MYRIP: variants seen among roughly 807,000 people sequenced by gnomAD.
MYRIP encodes the protein rab effector MyRIP.
Under a neutral mutation model 98.0 loss-of-function variants are expected in MYRIP, and 49 were observed. The observed-to-expected ratio is 0.50, with a 90% CI of 0.40 to 0.63. MYRIP has a LOEUF of 0.63. Among genes scored for constraint, MYRIP ranks in the 30% least tolerant of loss-of-function variants. The probability of loss-of-function intolerance (pLI) is 0.00; values close to 1 mark genes in which losing one functional copy is unlikely to be tolerated. For synonymous variants in MYRIP, 404 were observed against 409.5 expected (o/e 0.99, Z 0.16); for missense variants, 1,004 against 1,058.2 (o/e 0.95, Z 0.71).
intron 1 of MYRIP, among the ~76,000 whole-genome samples, chr3:39,875,731 T>C (rs868115083): frequency 1.9e-4 from 29 of 151,426 alleles, no homozygotes; most frequent in Middle Eastern, 6.9e-3. Flanking sequence ...TCTGTTCTTT[T>C]ACATTTGCTG....
chr3:40,231,906 A>G (rs17208732), intron 11 of MYRIP, among the ~76,000 whole-genome samples: 6,634 of 152,284 alleles, frequency 0.044, 184 homozygotes, highest in Middle Eastern at 0.078. Context: ...TCTCATGCAT[A>G]CAATGTTGCC....
At chr3:39,933,562 T>C (rs1216718869) in intron 2 of MYRIP, among the ~76,000 whole-genome samples, 1 of 152,224 alleles carries the variant, frequency 6.6e-6, no homozygotes, top group African/African-American at 2.4e-5. Flanking sequence ...CAATTCCAAA[T>C]CTCATTCTGT....
chr3:40,245,747 A>T (rs1255227399), intron 13 of MYRIP, among the ~76,000 whole-genome samples: 17 of 95,858 alleles, frequency 1.8e-4, no homozygotes, highest in South Asian at 3.9e-4. Context: ...TGGTTTGCTG[A>T]TTTTTTTTTT....
In MYRIP at chr3:40,250,262, C is replaced by T. The variant is rs1575682286; in HGVS notation, c.2303C>T (p.Ala768Val). Residue 768 changes from alanine (A) to valine (V), a missense_variant, in exon 14 of 17, where the codon GCA becomes GTA. Transcript: ENST00000302541. Reference protein sequence around the residue: ...IESRISALTIAGLNIAPCVRF... With the variant: ...IESRISALTIVGLNIAPCVRF... ...AGCCGGATTTCAGCCCTGACCATTGCAGGATTAAACATAGCACCATGTGTG... is the reference window on the plus strand; with the variant it reads ...AGCCGGATTTCAGCCCTGACCATTGTAGGATTAAACATAGCACCATGTGTG... 3 of 1,614,088 alleles carry T rather than the reference C, an allele frequency of 1.9e-6. No homozygotes were observed. Among genetic ancestry groups the T allele is most frequent in the Non-Finnish European group, 2.5e-6 (3 of 1,179,956 alleles).
chr3:40,206,385 G>T (rs905918550), intron 10 of MYRIP, among the ~76,000 whole-genome samples: 5 of 152,094 alleles, frequency 3.3e-5, no homozygotes, highest in African/African-American at 1.2e-4. Flanking sequence ...TTATGCTCAT[G>T]GTATCATCTG....
chr3:40,183,029 T>A (rs188533788), intron 9 of MYRIP, among the ~76,000 whole-genome samples: 1 of 152,308 alleles, frequency 6.6e-6, no homozygotes, highest in Admixed American at 6.5e-5. Flanking sequence ...TCTATCATCC[T>A]CCAGGGCCTC....
At chr3:40,034,765 C>T (rs899335764) in intron 2 of MYRIP, among the ~76,000 whole-genome samples, 1 of 151,906 alleles carries the variant, frequency 6.6e-6, no homozygotes, top group African/African-American at 2.4e-5. Flanking sequence ...TATAAAGACA[C>T]ATGCACACGT....
chr3:39,939,452 T>C (rs752765264), intron 2 of MYRIP, among the ~76,000 whole-genome samples: 2 of 152,120 alleles, frequency 1.3e-5, no homozygotes, highest in African/African-American at 2.4e-5. Flanking sequence ...TAAAATATCA[T>C]GATCACTGAA....
At chr3:40,077,352 T>G (rs1263168809) in intron 3 of MYRIP, among the ~76,000 whole-genome samples, 2 of 152,202 alleles carry the variant, frequency 1.3e-5, no homozygotes, top group African/African-American at 4.8e-5. Flanking sequence ...TCCTGCTGAT[T>G]GGTAGAGCCT....
chr3:39,979,655 C>CAAA (rs56328162), intron 2 of MYRIP, among the ~76,000 whole-genome samples: 1 of 131,136 alleles, frequency 7.6e-6, no homozygotes, highest in East Asian at 2.6e-4. Flanking sequence ...CAAAACAAAA[C>CAAA]AAAAAAAAAA....
chr3:39,953,660 G>T (rs1945084662), intron 2 of MYRIP, among the ~76,000 whole-genome samples: 1 of 152,128 alleles, frequency 6.6e-6, no homozygotes, highest in Non-Finnish European at 1.5e-5. Context: ...TGAGGTACTG[G>T]GTTGATCTCA....
At chr3:39,876,947 G>C (rs1191641600) in intron 1 of MYRIP, among the ~76,000 whole-genome samples, 1 of 152,142 alleles carries the variant, frequency 6.6e-6, no homozygotes, top group African/African-American at 2.4e-5. Flanking sequence ...TTTCCAACTT[G>C]GTTTGATTCT....
intron 1 of MYRIP, among the ~76,000 whole-genome samples, chr3:39,848,507 T>A (rs1450689773): frequency 6.6e-6 from 1 of 152,214 alleles, no homozygotes; most frequent in Non-Finnish European, 1.5e-5. Context: ...GGAGAGGCCT[T>A]GCCTTTCCCT....
At chr3:40,054,436 G>A (rs1947845666) in intron 3 of MYRIP, among the ~76,000 whole-genome samples, 1 of 152,060 alleles carries the variant, frequency 6.6e-6, no homozygotes, top group Non-Finnish European at 1.5e-5. Flanking sequence ...GTGTCAACTT[G>A]GCTAGGTCAT....
chr3:40,147,984 T>G (rs993911098), intron 3 of MYRIP, among the ~76,000 whole-genome samples: 6 of 152,162 alleles, frequency 3.9e-5, no homozygotes, highest in African/African-American at 1.4e-4. Flanking sequence ...GAGAATTCTC[T>G]TTTCCAGAAA....
intron 2 of MYRIP, among the ~76,000 whole-genome samples, chr3:39,948,048 A>AT (rs1212040295): frequency 6.6e-6 from 1 of 152,188 alleles, no homozygotes; most frequent in Admixed American, 6.6e-5. Context: ...ACTGCTCTAA[A>AT]TTATTCTATG....
At chr3:40,037,579 C>T (rs1349190756) in intron 2 of MYRIP, among the ~76,000 whole-genome samples, 2 of 152,154 alleles carry the variant, frequency 1.3e-5, no homozygotes, top group South Asian at 2.1e-4. Flanking sequence ...CCCCTATAAA[C>T]TAGTCCTAAA....
intron 1 of MYRIP, among the ~76,000 whole-genome samples, chr3:39,865,344 A>ATTAACAGAG (rs1942588215): frequency 6.6e-6 from 1 of 152,182 alleles, no homozygotes; most frequent in South Asian, 2.1e-4. Flanking sequence ...AACAGAAACT[A>ATTAACAGAG]TTAACAGAGT....
chr3:39,991,133 G>T (rs575028695), intron 2 of MYRIP, among the ~76,000 whole-genome samples: 1 of 152,280 alleles, frequency 6.6e-6, no homozygotes, highest in Non-Finnish European at 1.5e-5. Context: ...GTGTAACCCA[G>T]AACTTAAAGT....
Sources: gnomAD v4.1 joint callset for allele counts (sites outside exome capture counted in the v4.1 genomes callset) on GRCh38, gnomAD v4.1.1 for gene constraint, MANE v1.5 for transcripts, NCBI Gene and HGNC (gene_info 2026-07-23, HGNC 2026-07-21) for gene names.